Variants in BBS9 observed in about 807,000 individuals in gnomAD.
BBS9 encodes the protein Bardet-Biedl syndrome 9.
BBS9 carries 89 observed loss-of-function variants against 117.7 expected under a neutral mutation model. The observed-to-expected ratio is 0.76, with a 90% CI of 0.64 to 0.90. The LOEUF is 0.90. BBS9 is among the 40% of genes least tolerant of loss of function. The pLI is 0.00. For missense variants in BBS9, 982 were observed against 1,042.2 expected (o/e 0.94, Z 0.80); for synonymous variants, 379 against 370.9 (o/e 1.02, Z -0.25).
chr7:33,635,003 G>T (rs748888781), intron 21 of BBS9, among the ~76,000 whole-genome samples: 1 of 152,136 alleles, frequency 6.6e-6, no homozygotes, highest in South Asian at 2.1e-4. Context: ...TCCCACACTC[G>T]CAGTGGCTCT....
chr7:33,622,843 T>C (rs780250187), intron 21 of BBS9, among the ~76,000 whole-genome samples: 1 of 152,208 alleles, frequency 6.6e-6, no homozygotes, highest in Non-Finnish European at 1.5e-5. Flanking sequence ...TCAATAAGTG[T>C]TGCTGAAGCA....
intron 19 of BBS9, among the ~76,000 whole-genome samples, chr7:33,400,692 G>C (rs1375359814): frequency 6.6e-6 from 1 of 152,120 alleles, no homozygotes; most frequent in Non-Finnish European, 1.5e-5. Flanking sequence ...GAACAGCTGA[G>C]CAGTTATATC....
chr7:33,157,260 G>A (rs1436343321), intron 4 of BBS9, among the ~76,000 whole-genome samples: 3 of 152,252 alleles, frequency 2.0e-5, no homozygotes, highest in South Asian at 4.1e-4. Flanking sequence ...TCAGAAAAAC[G>A]TACTGAAAGA....
chr7:33,414,666 A>C (rs574975565), intron 19 of BBS9, among the ~76,000 whole-genome samples: 3 of 152,324 alleles, frequency 2.0e-5, no homozygotes, highest in African/African-American at 4.8e-5. Context: ...CCATGTAAAA[A>C]TCAATTTAAT....
chr7:33,503,546 T>TTTCC (rs1845742204), intron 19 of BBS9, among the ~76,000 whole-genome samples: 1 of 151,810 alleles, frequency 6.6e-6, no homozygotes, highest in South Asian at 2.1e-4. Flanking sequence ...CTGATTTTCC[T>TTTCC]ATTACAAACT....
intron 10 of BBS9, among the ~76,000 whole-genome samples, chr7:33,337,676 G>T (rs778023115): frequency 6.4e-4 from 97 of 152,196 alleles, no homozygotes; most frequent in Non-Finnish European, 1.2e-3. Flanking sequence ...TGTTGTCAGC[G>T]CTGCCATGTC....
chr7:33,463,415 G>GA (rs146548292), intron 19 of BBS9, among the ~76,000 whole-genome samples: 4,480 of 148,556 alleles, frequency 0.03, 224 homozygotes, highest in African/African-American at 0.1. Flanking sequence ...ACTTGTGAAA[G>GA]AAAAAAAAAA....
In BBS9 at chr7:33,253,814, GT is replaced by G. The variant is rs1394982704; in HGVS notation, c.443-3421del. Among the ~76,000 whole-genome samples the G allele has an allele frequency of 3.3e-5, 5 of 152,136 alleles. No individual in the cohort carries two copies. In the East Asian group the frequency reaches 7.7e-4, roughly 23 times the overall value. The stretch of plus-strand genomic sequence containing the variant: ...CCATGTAAGGGCATGTCTGCAAGTT[GT>G]ATGTATAACCTCTGCTCCTATCTTG... On this transcript the variant is annotated intron_variant, in intron 5 of 22. Coordinates refer to ENST00000242067, the MANE Select transcript of BBS9 (RefSeq NM_198428.3).
intron 21 of BBS9, among the ~76,000 whole-genome samples, chr7:33,535,583 T>G (rs183673618): frequency 1.3e-5 from 2 of 152,356 alleles, no homozygotes; most frequent in Admixed American, 1.3e-4. Context: ...TAGAACCTCT[T>G]TATCTTGCCC....
intron 17 of BBS9, among the ~76,000 whole-genome samples, chr7:33,377,254 T>C (rs1454738577): frequency 1.3e-5 from 2 of 152,200 alleles, no homozygotes; most frequent in East Asian, 3.8e-4. Flanking sequence ...AGTTTCAATC[T>C]TTTGCATATT....
At chr7:33,165,673 A>G (rs1050501168) in intron 4 of BBS9, among the ~76,000 whole-genome samples, 1 of 152,066 alleles carries the variant, frequency 6.6e-6, no homozygotes, top group Non-Finnish European at 1.5e-5. Flanking sequence ...CCATGGTTTC[A>G]GCTCCATCAG....
chr7:33,171,344 G>A (rs908316965), intron 4 of BBS9, among the ~76,000 whole-genome samples: 8 of 152,168 alleles, frequency 5.3e-5, no homozygotes, highest in Non-Finnish European at 8.8e-5. Context: ...AGAAAAACAA[G>A]CAGTGGGGAA....
Position 33,538,164 on chromosome 7 carries a change from C to A in BBS9, c.2521+3988C>A, listed in dbSNP as rs115365231. Among the ~76,000 whole-genome samples, 495 of 152,324 alleles carry A rather than the reference C, an allele frequency of 3.2e-3. 2 individuals are homozygous for A. The highest frequency in any genetic ancestry group is 0.011 in the African/African-American group (476 of 41,574). ...CACATGTCATAATGGGCCGTAGCTT[C>A]AGCTGTATTTTCTTTCACACTGCCA... is the stretch of plus-strand genomic sequence containing the variant. On this transcript the variant is annotated intron_variant, in intron 21 of 22. Coordinates refer to ENST00000242067, the MANE Select transcript of BBS9 (RefSeq NM_198428.3).
intron 19 of BBS9, among the ~76,000 whole-genome samples, chr7:33,489,273 T>A (rs1255741653): frequency 6.7e-6 from 1 of 150,242 alleles, no homozygotes; most frequent in African/African-American, 2.4e-5. Flanking sequence ...GAATTACAGG[T>A]GTGAGCCACT....
chr7:33,569,144 G>A (rs1371826032), intron 21 of BBS9, among the ~76,000 whole-genome samples: 1 of 152,134 alleles, frequency 6.6e-6, no homozygotes, highest in African/African-American at 2.4e-5. Flanking sequence ...TATTTACACT[G>A]AAGGGGGTGG....
chr7:33,436,997 G>C (rs927588101), intron 19 of BBS9, among the ~76,000 whole-genome samples: 5 of 152,174 alleles, frequency 3.3e-5, no homozygotes, highest in Admixed American at 2.6e-4. Context: ...ATTTGTACAT[G>C]AGTGAGGAAA....
chr7:33,575,890 T>C (rs527361763), intron 21 of BBS9, among the ~76,000 whole-genome samples: 1 of 152,172 alleles, frequency 6.6e-6, no homozygotes, highest in Non-Finnish European at 1.5e-5. Context: ...AAACTAGGTA[T>C]TGATGGAACA....
intron 19 of BBS9, among the ~76,000 whole-genome samples, chr7:33,491,731 GGA>G (rs1843924362): frequency 6.6e-6 from 1 of 152,020 alleles, no homozygotes; most frequent in Non-Finnish European, 1.5e-5. Flanking sequence ...GAGAAGATGT[GGA>G]GATTATGACA....
At chr7:33,459,644 T>C (rs1368448984) in intron 19 of BBS9, among the ~76,000 whole-genome samples, 1 of 152,152 alleles carries the variant, frequency 6.6e-6, no homozygotes, top group Non-Finnish European at 1.5e-5. Context: ...ACTTCCTTAC[T>C]CTCTGGCACT....
Sources: allele counts gnomAD v4.1 joint callset (sites outside exome capture counted in the v4.1 genomes callset), GRCh38; gene constraint gnomAD v4.1.1; transcripts MANE v1.5; gene names NCBI Gene and HGNC (gene_info 2026-07-23, HGNC 2026-07-21).